CHD6: variants seen among roughly 807,000 people sequenced by gnomAD.
The protein encoded by CHD6 is ATP-dependent chromatin remodeler CHD6.
A neutral mutation model predicts 276.9 loss-of-function variants in CHD6; 50 were observed. The ratio of observed to expected loss-of-function variants is 0.18; its 90% CI spans 0.14 to 0.23. CHD6 has a LOEUF of 0.23. Ranked by LOEUF, CHD6 falls within the 10% of genes least tolerant of loss-of-function variation. CHD6 has a pLI of 1.00. For missense variants in CHD6, 2,564 were observed against 3,365.8 expected (o/e 0.76, Z 5.89); for synonymous variants, 1,173 against 1,229.3 (o/e 0.95, Z 0.96).
chr20:41,446,515 T>C lies in CHD6; in HGVS notation c.3774-747A>G, dbSNP rs553365543. Among the ~76,000 whole-genome samples, 9 of 152,344 alleles carry C rather than the reference T, an allele frequency of 5.9e-5. No homozygotes were observed. In the South Asian group the frequency reaches 1.5e-3, roughly 25 times the overall value. ...TCATCTGAGTACAGTCCTCGCTCTT[T>C]AAGGCTTTGAGGTTTAGGGAATAGC... On this transcript the variant is annotated intron_variant, in intron 24 of 36. Transcript: ENST00000373233.
chr20:41,404,739 G>C lies in CHD6; in HGVS notation c.8002C>G (p.His2668Asp), dbSNP rs1364899995. 6.2e-7 allele frequency: 1 copy of C among 1,603,946 alleles called. No individual in the cohort carries two copies. The highest frequency in any genetic ancestry group is 8.5e-7 in the Non-Finnish European group (1 of 1,174,772). ...KKTKGDNPNSHPEPAPSCERE... is the reference protein window; with the variant it reads ...KKTKGDNPNSDPEPAPSCERE... ...TCACAGCTGGGAGCAGGCTCTGGGTGGGAGTTGGGGTTGTCCCCCTTTGTC... is the reference window on the plus strand; with the variant it reads ...TCACAGCTGGGAGCAGGCTCTGGGTCGGAGTTGGGGTTGTCCCCCTTTGTC... The change falls in exon 37 of 37, where the codon CAC becomes GAC. Residue 2668 changes from histidine to aspartate, a missense_variant. His to Asp is a moderately conservative substitution (Grantham distance 81). This residue lies in a region of CHD6 where 238 missense variants were observed against 266.0 expected (regional missense o/e 0.89). Coordinates refer to ENST00000373233, the MANE Select transcript of CHD6 (RefSeq NM_032221.5).
chr20:41,442,968 A>T (rs549020547), intron 25 of CHD6, among the ~76,000 whole-genome samples: 33 of 152,316 alleles, frequency 2.2e-4, no homozygotes, highest in African/African-American at 7.2e-4. Context: ...CTAGCACTGA[A>T]AACAGAGGCT....
In CHD6 at chr20:41,517,844, T is replaced by G. The variant is rs537294209; in HGVS notation, c.555-2892A>C. On this transcript the variant is annotated intron_variant, in intron 3 of 36. Transcript: ENST00000373233. Reference sequence around the variant, plus strand: ...GGCAGAGGCTTACGCTCAGGTCAGCTGAGTCACAGGGTATTACTTTTTCAT... The same window carrying G: ...GGCAGAGGCTTACGCTCAGGTCAGCGGAGTCACAGGGTATTACTTTTTCAT... Among the ~76,000 whole-genome samples the G allele has an allele frequency of 1.3e-4, 20 of 152,382 alleles. 1 individual carries two copies. In the South Asian group the frequency reaches 4.1e-3, roughly 32 times the overall value.
At chr20:41,529,318 T>A (rs572397739) in intron 3 of CHD6, among the ~76,000 whole-genome samples, 4 of 152,300 alleles carry the variant, frequency 2.6e-5, no homozygotes, top group African/African-American at 9.6e-5. Flanking sequence ...GGAAAACAAG[T>A]CACACATACC....
intron 1 of CHD6, among the ~76,000 whole-genome samples, chr20:41,574,105 C>A (rs2045447246): frequency 1.5e-5 from 2 of 135,452 alleles, no homozygotes. Flanking sequence ...TTAGCTATCA[C>A]TACACTGAAA....
At chr20:41,484,695 A>C in intron 14 of CHD6, 88 bp from the exon 15 acceptor site, 1 of 1,379,280 alleles carries the variant, frequency 7.3e-7, no homozygotes. Context: ...AATTTCTTGA[A>C]CATTTACCCA....
intron 3 of CHD6, among the ~76,000 whole-genome samples, chr20:41,522,769 C>T (rs1233469206): frequency 6.6e-6 from 1 of 152,236 alleles, no homozygotes; most frequent in East Asian, 1.9e-4. Context: ...TATTCCACTG[C>T]AGAAGTGGAT....
At chr20:41,586,697 A>C (rs775602690) in intron 1 of CHD6, among the ~76,000 whole-genome samples, 15 of 152,160 alleles carry the variant, frequency 9.9e-5, no homozygotes, top group South Asian at 2.1e-4. Context: ...ACATCAGTCA[A>C]TATAATTCAC....
chr20:41,409,959 G>A (rs1361854337), intron 36 of CHD6, among the ~76,000 whole-genome samples: 2 of 152,042 alleles, frequency 1.3e-5, no homozygotes, highest in Admixed American at 6.5e-5. Context: ...TATTTAATGA[G>A]TAACCACTAG....
At chr20:41,579,797 C>G (rs1475371160) in intron 1 of CHD6, among the ~76,000 whole-genome samples, 2 of 152,150 alleles carry the variant, frequency 1.3e-5, no homozygotes, top group African/African-American at 4.8e-5. Context: ...TGTTTTTAAA[C>G]ATGATATATA....
chr20:41,615,848 C>T (rs2045930514), intron 1 of CHD6, among the ~76,000 whole-genome samples: 1 of 152,130 alleles, frequency 6.6e-6, no homozygotes, highest in South Asian at 2.1e-4. Flanking sequence ...AAGACATAAC[C>T]ACAAACGCTG....
At chr20:41,516,707 T>C (rs532436889) in intron 3 of CHD6, among the ~76,000 whole-genome samples, 7 of 152,042 alleles carry the variant, frequency 4.6e-5, no homozygotes, top group Admixed American at 3.3e-4. Context: ...AGAAGCACTA[T>C]GTGATGGAGC....
At chr20:41,505,926 AGTC>A (rs1203953395) in intron 5 of CHD6, among the ~76,000 whole-genome samples, 1 of 152,122 alleles carries the variant, frequency 6.6e-6, no homozygotes, top group East Asian at 1.9e-4. Flanking sequence ...TCCTACCTAC[AGTC>A]TTCTCCCACC....
chr20:41,490,082 T>A (rs1177347942), intron 11 of CHD6, 61 bp from the exon 12 acceptor site: 17 of 1,437,702 alleles, frequency 1.2e-5, no homozygotes, highest in Non-Finnish European at 1.6e-5. Flanking sequence ...TAGAGGCTGG[T>A]TATAACTTGA....
At position 41,422,093 on chromosome 20, in the gene CHD6, G is replaced by A; in HGVS notation, c.4556-14C>T. ...TATCTGGGGGACCTGGAGAGAAAGG[G>A]AAATAAAGCCTATCACTGAAGGTGA... On this transcript the variant is annotated splice_polypyrimidine_tract_variant and intron_variant, in intron 30 of 36. Coordinates refer to ENST00000373233, the MANE Select transcript of CHD6 (RefSeq NM_032221.5). 1 of 1,590,176 alleles carries A rather than the reference G, an allele frequency of 6.3e-7. No homozygotes were observed. The highest frequency in any genetic ancestry group is 8.6e-7 in the Non-Finnish European group (1 of 1,166,130).
intron 17 of CHD6, among the ~76,000 whole-genome samples, chr20:41,466,510 T>C (rs2042924542): frequency 6.6e-6 from 1 of 152,236 alleles, no homozygotes; most frequent in Non-Finnish European, 1.5e-5. Flanking sequence ...CTTCTTTCTG[T>C]ATCTTTAGCG....
rs1471085370 is a variant in CHD6 at position 41,452,076 on chromosome 20, G to A, written c.3324-51C>T. 7.1e-7 allele frequency: 1 copy of A among 1,407,222 alleles called. No homozygotes were observed. The highest frequency in any genetic ancestry group is 1.4e-5 in the African/African-American group (1 of 70,906). The allele number at this position is 1,407,222 out of a possible 1,614,324, so 87.2% of individuals were successfully genotyped here. A position where few individuals can be genotyped will look rare whatever the true frequency, so the allele number is the denominator to read the frequency against. On this transcript the variant is annotated intron_variant, in intron 21 of 36. Transcript: ENST00000373233. The surrounding 1 kb of genome is among the most constrained non-coding windows in gnomAD (Gnocchi z 4.2). ...TTGGAGGGAGAATGGACCAGGCCAT[G>A]CAGGCAGCCTCCCCACAGGAGGAGA...
intron 16 of CHD6, among the ~76,000 whole-genome samples, chr20:41,479,337 G>A (rs1404197160): frequency 6.6e-6 from 1 of 152,138 alleles, no homozygotes; most frequent in East Asian, 1.9e-4. Flanking sequence ...AAGAAGCTCA[G>A]TAAGCAGGAT....
chr20:41,425,960 T>C (rs2047350011), intron 28 of CHD6, 133 bp downstream of exon 28: 1 of 745,352 alleles, frequency 1.3e-6, no homozygotes, highest in Non-Finnish European at 2.4e-6. Flanking sequence ...TAGGGGAGTT[T>C]GATGATGGTC....
Sources: gnomAD v4.1 joint callset for allele counts (sites outside exome capture counted in the v4.1 genomes callset) on GRCh38, gnomAD v4.1.1 for gene constraint, gnomAD v4.1.1 regional missense constraint, Gnocchi (gnomAD v3.1) non-coding constraint, MANE v1.5 for transcripts, NCBI Gene and HGNC (gene_info 2026-07-23, HGNC 2026-07-21) for gene names.